KLRG1: variants seen among roughly 807,000 people sequenced by gnomAD.
KLRG1 encodes the protein killer cell lectin like receptor G1.
KLRG1 carries 16 observed loss-of-function variants against 21.8 expected under a neutral mutation model. The ratio of observed to expected loss-of-function variants is 0.73; its 90% CI spans 0.50 to 1.11. KLRG1 has a LOEUF of 1.11. Among genes scored for constraint, KLRG1 ranks in the 50% most tolerant of loss-of-function variants. The pLI is 0.00. For synonymous variants in KLRG1, 69 were observed against 75.9 expected, an observed-to-expected ratio of 0.91 and a Z score of 0.47; for missense variants, 173 against 218.3, an observed-to-expected ratio of 0.79 and a Z score of 1.31.
chr12:9,083,758 A>C, the KLRG1 span, among the ~76,000 whole-genome samples: 7 of 151,888 alleles, frequency 4.6e-5, no homozygotes, highest in Non-Finnish European at 8.8e-5. Context: ...GAATCAGAAA[A>C]AAAAAAAAGC....
intron 1 of KLRG1, among the ~76,000 whole-genome samples, chr12:8,965,283 G>A (rs910604147): frequency 2.6e-5 from 4 of 152,152 alleles, no homozygotes; most frequent in Admixed American, 6.5e-5. Context: ...GCACAAGACA[G>A]GGATGCCCTC....
chr12:9,139,069 G>C, the KLRG1 span, among the ~76,000 whole-genome samples: 1 of 151,908 alleles, frequency 6.6e-6, no homozygotes, highest in Non-Finnish European at 1.5e-5. Context: ...ATTTATCACA[G>C]TAAACCTCCT....
the KLRG1 span, chr12:9,161,098 T>G: frequency 6.3e-7 from 1 of 1,593,682 alleles, no homozygotes; most frequent in Non-Finnish European, 8.6e-7. Flanking sequence ...CAAGGACAAC[T>G]GCTCAGACAC....
At chr12:9,092,555 A>G in the KLRG1 span, among the ~76,000 whole-genome samples, 1 of 152,146 alleles carries the variant, frequency 6.6e-6, no homozygotes, top group Non-Finnish European at 1.5e-5. Flanking sequence ...GAAAGGGAGT[A>G]TATGGCCATT....
the KLRG1 span, among the ~76,000 whole-genome samples, chr12:9,041,192 A>C: frequency 6.6e-6 from 1 of 152,156 alleles, no homozygotes; most frequent in Non-Finnish European, 1.5e-5. Flanking sequence ...ACAATTAGCC[A>C]GGTGAGATGG....
At chr12:9,112,551 C>T in the KLRG1 span, 11 of 1,613,032 alleles carry the variant, frequency 6.8e-6, no homozygotes, top group East Asian at 2.2e-5. Context: ...AATACAGGAC[C>T]GATCCTGAAA....
the KLRG1 span, chr12:9,113,461 T>C: frequency 6.2e-7 from 1 of 1,613,856 alleles, no homozygotes; most frequent in South Asian, 1.1e-5. Flanking sequence ...ACAGTCACTG[T>C]CTCATTCAGG....
chr12:9,212,353 G>GTC, the KLRG1 span, among the ~76,000 whole-genome samples: 1 of 152,192 alleles, frequency 6.6e-6, no homozygotes, highest in Non-Finnish European at 1.5e-5. Context: ...CTCCCATTAG[G>GTC]TCCCTGTGAG....
At chr12:9,019,882 G>A in the KLRG1 span, among the ~76,000 whole-genome samples, 20 of 152,038 alleles carry the variant, frequency 1.3e-4, no homozygotes, top group Non-Finnish European at 2.6e-4. Flanking sequence ...CACCATGCCC[G>A]GCTCTTCCTT....
At chr12:9,191,857 C>T in the KLRG1 span, among the ~76,000 whole-genome samples, 1 of 152,066 alleles carries the variant, frequency 6.6e-6, no homozygotes, top group Non-Finnish European at 1.5e-5. Flanking sequence ...TTCTTCTCTG[C>T]AATGTTAATT....
At chr12:9,042,086 T>C in the KLRG1 span, among the ~76,000 whole-genome samples, 21 of 152,316 alleles carry the variant, frequency 1.4e-4, no homozygotes, top group Non-Finnish European at 1.0e-4. Flanking sequence ...TTGTGTAATG[T>C]AGTGGCAAAA....
At chr12:9,122,259 AAC>A in the KLRG1 span, among the ~76,000 whole-genome samples, 1 of 152,164 alleles carries the variant, frequency 6.6e-6, no homozygotes, top group African/African-American at 2.4e-5. Flanking sequence ...TCCTTTGATG[AAC>A]AGAAAATAAG....
At chr12:9,000,732 A>T (rs1947281701) in intron 3 of KLRG1, among the ~76,000 whole-genome samples, 1 of 152,140 alleles carries the variant, frequency 6.6e-6, no homozygotes, top group Non-Finnish European at 1.5e-5. Context: ...TATTATATGG[A>T]TATACTACAT....
the KLRG1 span, chr12:9,072,638 G>T: frequency 2.5e-6 from 4 of 1,612,964 alleles, no homozygotes; most frequent in South Asian, 1.1e-5. Context: ...GTCCTCACCT[G>T]CCCAAGAGTC....
chr12:9,205,997 C>T, the KLRG1 span, among the ~76,000 whole-genome samples: 1 of 152,110 alleles, frequency 6.6e-6, no homozygotes, highest in Non-Finnish European at 1.5e-5. Flanking sequence ...CTGAAATCAT[C>T]CAAGTTTCAG....
At chr12:9,099,635 A>T in the KLRG1 span, 1 of 1,295,174 alleles carries the variant, frequency 7.7e-7, no homozygotes, top group African/African-American at 1.5e-5. Context: ...ATTACCTCTA[A>T]GGACTCTAGC....
At chr12:9,076,309 A>G in the KLRG1 span, among the ~76,000 whole-genome samples, 1 of 152,216 alleles carries the variant, frequency 6.6e-6, no homozygotes, top group Non-Finnish European at 1.5e-5. Flanking sequence ...TTCATTTATT[A>G]CAACAGCTCT....
At chr12:9,028,290 T>G in the KLRG1 span, among the ~76,000 whole-genome samples, 2 of 151,928 alleles carry the variant, frequency 1.3e-5, no homozygotes. Flanking sequence ...TAGCTGGGAT[T>G]ACAGGCGTGT....
chr12:9,071,355 C>G, the KLRG1 span, among the ~76,000 whole-genome samples: 18 of 151,818 alleles, frequency 1.2e-4, no homozygotes, highest in Non-Finnish European at 1.9e-4. Context: ...GCGTCTTGTC[C>G]CCGAGAGTTT....
Sources: allele counts gnomAD v4.1 joint callset (sites outside exome capture counted in the v4.1 genomes callset), GRCh38; gene constraint gnomAD v4.1.1; transcripts MANE v1.5; gene names NCBI Gene and HGNC (gene_info 2026-07-23, HGNC 2026-07-21).